Variants in DDX50 observed in about 807,000 individuals in gnomAD.
DDX50 encodes DExD-box helicase 50.
DDX50 carries 56 observed loss-of-function variants against 94.8 expected under a neutral mutation model. That is an observed-to-expected ratio of 0.59 (90% CI 0.48 to 0.74). DDX50 has a LOEUF of 0.74. DDX50 is among the 30% of genes least tolerant of loss of function. The pLI is 0.00. For synonymous variants in DDX50, 264 were observed against 295.4 expected (o/e 0.89, Z 1.09); for missense variants, 713 against 881.2 (o/e 0.81, Z 2.42).
At chr10:68,945,379 T>C (rs1842647832) in intron 14 of DDX50, among the ~76,000 whole-genome samples, 1 of 151,998 alleles carries the variant, frequency 6.6e-6, no homozygotes, top group Non-Finnish European at 1.5e-5. Context: ...CGATCTCGGC[T>C]CACTGCAACC....
chr10:68,914,482 G>T (rs1317200956), intron 7 of DDX50, among the ~76,000 whole-genome samples: 1 of 151,856 alleles, frequency 6.6e-6, no homozygotes. Context: ...CTTTAAAGCC[G>T]CTCAAAAACA....
chr10:68,907,426 C>T (rs1234242389), intron 2 of DDX50, among the ~76,000 whole-genome samples: 1 of 151,320 alleles, frequency 6.6e-6, no homozygotes, highest in Non-Finnish European at 1.5e-5. Context: ...AGCGATTCTC[C>T]TGAGTCAGCC....
intron 7 of DDX50, among the ~76,000 whole-genome samples, chr10:68,918,428 C>CTTTTTTTTTTT (rs34777951): frequency 3.5e-5 from 2 of 57,032 alleles, no homozygotes; most frequent in African/African-American, 7.9e-5. Flanking sequence ...CCATTCCCTC[C>CTTTTTTTTTTT]TTTTTTTTTT....
chr10:68,936,871 A>G (rs1031677448), intron 11 of DDX50, 65 bp from the exon 12 acceptor site: 226 of 1,469,448 alleles, frequency 1.5e-4, no homozygotes, highest in Non-Finnish European at 2.0e-4. Flanking sequence ...TCTTTTTCCC[A>G]TTTTTCTTCT....
chr10:68,914,430 A>G (rs1167559476), intron 7 of DDX50, among the ~76,000 whole-genome samples: 1 of 152,246 alleles, frequency 6.6e-6, no homozygotes, highest in African/African-American at 2.4e-5. Context: ...GAAACACACA[A>G]GCAGCCATAG....
At chr10:68,936,488 CAAAAAAAAAAAA>C (rs1212336346) in intron 11 of DDX50, among the ~76,000 whole-genome samples, 2 of 26,820 alleles carry the variant, frequency 7.5e-5, no homozygotes, top group African/African-American at 2.3e-4. Context: ...GACTCTGTCT[CAAAAAAAAAAAA>C]AAAAAAAAAA....
At chr10:68,924,461 T>C (rs189357890) in intron 8 of DDX50, among the ~76,000 whole-genome samples, 23 of 152,312 alleles carry the variant, frequency 1.5e-4, no homozygotes, top group African/African-American at 5.5e-4. Context: ...CTGCCTCTTA[T>C]TGTTTTTTTC....
At position 68,903,550 on chromosome 10, in the gene DDX50, C is replaced by T. The variant is rs114158756; in HGVS notation, c.87+2079C>T. Among the ~76,000 whole-genome samples the T allele has an allele frequency of 3.3e-3, 509 of 152,070 alleles. 3 individuals carry two copies. Among genetic ancestry groups the T allele is most frequent in the African/African-American group, 0.012 (485 of 41,474 alleles). On this transcript the variant is annotated intron_variant, in intron 1 of 14. Transcript: ENST00000373585. ...GTGCGGTGGCTCACGTCTGTAATGCCGGCATTTTTGGAGGCTGAGGCAGGT... is the reference window on the plus strand; with the variant it reads ...GTGCGGTGGCTCACGTCTGTAATGCTGGCATTTTTGGAGGCTGAGGCAGGT...
Position 68,937,003 on chromosome 10 carries a change from G to A in DDX50, c.1663G>A (p.Glu555Lys). 2 of 1,612,318 alleles carry A rather than the reference G, an allele frequency of 1.2e-6. No individual in the cohort carries two copies. Among genetic ancestry groups the A allele is most frequent in the South Asian group, 1.1e-5 (1 of 90,976 alleles). Residue 555 changes from glutamate (E) to lysine (K), a missense_variant, in exon 12 of 15, where the codon GAG (glutamate) becomes AAG (lysine). Around this residue, in one of 2 missense-constraint regions of DDX50, gnomAD observed 428 missense variants for 602.3 expected, o/e 0.71. Transcript: ENST00000373585. The stretch of plus-strand genomic sequence containing the variant: ...ACCATCAGCTCAGAGACTGATAGAA[G>A]AGAAAGGTGCAGTGGATGCATTGGC... ...FRPSAQRLIE[E>K]KGAVDALAAA...
intron 12 of DDX50, 88 bp from the exon 13 acceptor site, chr10:68,940,972 A>G: frequency 6.7e-7 from 1 of 1,493,288 alleles, no homozygotes; most frequent in Admixed American, 2.4e-5. Flanking sequence ...AGAAATGCAC[A>G]GTTAAGTCTT....
intron 6 of DDX50, 97 bp downstream of exon 6, chr10:68,913,673 CGTTCT>C: frequency 4.1e-6 from 5 of 1,218,948 alleles, no homozygotes; most frequent in Non-Finnish European, 5.6e-6. Context: ...GTGTCCCCTG[CGTTCT>C]AACAAAACTA....
chr10:68,906,276 C>T (rs951169554), intron 1 of DDX50: 1 of 154,186 alleles, frequency 6.5e-6, no homozygotes, highest in Non-Finnish European at 1.4e-5. Flanking sequence ...CCTGTACTTC[C>T]CTTATAGGGT....
intron 4 of DDX50, among the ~76,000 whole-genome samples, chr10:68,912,246 C>A (rs148482060): frequency 6.6e-6 from 1 of 152,084 alleles, no homozygotes; most frequent in Admixed American, 6.6e-5. Flanking sequence ...GGGTCTCTCT[C>A]TGTTGCCCAG....
intron 7 of DDX50, among the ~76,000 whole-genome samples, chr10:68,919,480 G>T (rs2132036371): frequency 6.6e-6 from 1 of 152,170 alleles, no homozygotes; most frequent in Non-Finnish European, 1.5e-5. Context: ...CAATTGATTG[G>T]TTTTGCCTAT....
At chr10:68,926,948 C>T (rs981163751) in intron 8 of DDX50, among the ~76,000 whole-genome samples, 2 of 151,996 alleles carry the variant, frequency 1.3e-5, no homozygotes, top group South Asian at 2.1e-4. Flanking sequence ...GGTCTTACTC[C>T]GTCGCCCAGG....
chr10:68,941,859 C>T (rs1842561608), intron 13 of DDX50, among the ~76,000 whole-genome samples: 2 of 151,998 alleles, frequency 1.3e-5, no homozygotes, highest in Admixed American at 6.6e-5. Context: ...AGGCTGGTCT[C>T]GCACTCCTGA....
At chr10:68,933,056 ATTGTTTGT>A (rs10569861) in intron 8 of DDX50, among the ~76,000 whole-genome samples, 15 of 135,678 alleles carry the variant, frequency 1.1e-4, no homozygotes, top group South Asian at 2.2e-4. Context: ...TCATTGCAAC[ATTGTTTGT>A]TTGTTTGTTT....
intron 8 of DDX50, among the ~76,000 whole-genome samples, chr10:68,929,029 A>G (rs889400049): frequency 1.3e-5 from 2 of 152,054 alleles, no homozygotes; most frequent in Non-Finnish European, 1.5e-5. Context: ...GCTCACTGCA[A>G]CCACCACCTC....
intron 8 of DDX50, among the ~76,000 whole-genome samples, chr10:68,931,392 A>ATATATATATATATATATATATGTGT (rs1554836673): frequency 2.3e-5 from 2 of 85,760 alleles, no homozygotes; most frequent in East Asian, 4.3e-4. Flanking sequence ...TAAAAAAAAA[A>ATATATATATATATATATATATGTGT]ATATATATAT....
Sources: allele counts gnomAD v4.1 joint callset (sites outside exome capture counted in the v4.1 genomes callset), GRCh38; gene constraint gnomAD v4.1.1; regional missense constraint gnomAD v4.1.1; transcripts MANE v1.5; gene names NCBI Gene and HGNC (gene_info 2026-07-23, HGNC 2026-07-21).